MEF2C: variants seen among roughly 807,000 people sequenced by gnomAD.
MEF2C encodes myocyte-specific enhancer factor 2C.
MEF2C carries 6 observed loss-of-function variants against 50.5 expected under a neutral mutation model. The ratio of observed to expected loss-of-function variants is 0.12; its 90% CI spans 0.07 to 0.23. The LOEUF (loss-of-function observed/expected upper bound fraction) is 0.23, where lower values mean the gene tolerates loss of function less well. Ranked by LOEUF, MEF2C falls within the 10% of genes least tolerant of loss-of-function variation. MEF2C has a pLI of 1.00. For synonymous variants in MEF2C, 183 were observed against 228.0 expected (o/e 0.80, Z 1.78); for missense variants, 276 against 605.0 (o/e 0.46, Z 5.70).
chr5:88,757,046 T>C (rs1775692983), intron 4 of MEF2C, among the ~76,000 whole-genome samples: 1 of 152,160 alleles, frequency 6.6e-6, no homozygotes, highest in South Asian at 2.1e-4. Context: ...TTTAACCAAG[T>C]GCAGCCCTAT....
At chr5:88,865,005 T>C (rs1826833415) in intron 1 of MEF2C, among the ~76,000 whole-genome samples, 1 of 152,030 alleles carries the variant, frequency 6.6e-6, no homozygotes, top group African/African-American at 2.4e-5. Flanking sequence ...TGACCTCAGA[T>C]GATCCACCTG....
intron 3 of MEF2C, among the ~76,000 whole-genome samples, chr5:88,800,918 A>G (rs1049929123): frequency 6.6e-6 from 1 of 152,192 alleles, no homozygotes; most frequent in African/African-American, 2.4e-5. Flanking sequence ...ATATAATCAT[A>G]AAAAAACTGA....
At chr5:88,820,683 G>A (rs1408770846) in intron 2 of MEF2C, among the ~76,000 whole-genome samples, 2 of 152,018 alleles carry the variant, frequency 1.3e-5, no homozygotes, top group Non-Finnish European at 2.9e-5. Flanking sequence ...CTACAGTGGG[G>A]CAGCTTCAAA....
At chr5:88,814,713 G>A (rs1465669519) in intron 2 of MEF2C, among the ~76,000 whole-genome samples, 1 of 151,578 alleles carries the variant, frequency 6.6e-6, no homozygotes, top group African/African-American at 2.4e-5. Flanking sequence ...TGCATTGGAG[G>A]GAAAATAATA....
At position 88,860,774 on chromosome 5, in the gene MEF2C, C is replaced by G. The variant is rs151219154; in HGVS notation, c.-143+22181G>C. On this transcript the variant is annotated intron_variant, in intron 1 of 10. Coordinates refer to ENST00000504921, the MANE Select transcript of MEF2C (RefSeq NM_002397.5). ...TTCTGGCTTGAAAGGTACATTTTTC[C>G]CCCTCTGGGTTTCACTGACTACACA... is the stretch of plus-strand genomic sequence containing the variant. Among the ~76,000 whole-genome samples, 144 of 152,208 alleles carry G rather than the reference C, an allele frequency of 9.5e-4. 1 individual carries two copies. Among genetic ancestry groups the G allele is most frequent in the Admixed American group, 1.8e-3 (28 of 15,296 alleles).
At chr5:88,834,194 C>T (rs148020684) in intron 1 of MEF2C, among the ~76,000 whole-genome samples, 1 of 152,202 alleles carries the variant, frequency 6.6e-6, no homozygotes, top group African/African-American at 2.4e-5. Flanking sequence ...TTAAGGCACA[C>T]ACATGGAGTT....
chr5:88,876,363 A>G (rs1369902359), intron 1 of MEF2C, among the ~76,000 whole-genome samples: 2 of 151,964 alleles, frequency 1.3e-5, no homozygotes, highest in African/African-American at 2.4e-5. Context: ...GATAATTTCT[A>G]AAAGTAAAAT....
intron 9 of MEF2C, 45 bp downstream of exon 9, chr5:88,729,173 T>TA: frequency 6.2e-7 from 1 of 1,608,578 alleles, no homozygotes; most frequent in East Asian, 2.2e-5. Flanking sequence ...TGATTTTCAA[T>TA]AAAAAGTATT....
intron 2 of MEF2C, among the ~76,000 whole-genome samples, chr5:88,814,233 A>G (rs1366492685): frequency 6.6e-6 from 1 of 151,412 alleles, no homozygotes; most frequent in East Asian, 2.0e-4. Context: ...CTTCAGTTTT[A>G]TTTTGTTTAA....
chr5:88,874,542 T>C (rs1205884912), intron 1 of MEF2C, among the ~76,000 whole-genome samples: 2 of 151,982 alleles, frequency 1.3e-5, no homozygotes, highest in Non-Finnish European at 2.9e-5. Context: ...TGTAGGAATA[T>C]GCCATTGTTA....
At chr5:88,787,666 A>AT (rs1018244828) in intron 3 of MEF2C, among the ~76,000 whole-genome samples, 53 of 152,204 alleles carry the variant, frequency 3.5e-4, no homozygotes, top group Admixed American at 1.4e-3. Flanking sequence ...TTGTAGCTTT[A>AT]TTTTTCCCCC....
At chr5:88,876,641 A>G (rs974206867) in intron 1 of MEF2C, among the ~76,000 whole-genome samples, 5 of 152,138 alleles carry the variant, frequency 3.3e-5, no homozygotes, top group African/African-American at 1.2e-4. Flanking sequence ...TATTTAAGCC[A>G]AAGCTGCCTG....
chr5:88,772,772 C>T (rs985293499), intron 3 of MEF2C: 1 of 985,394 alleles, frequency 1.0e-6, no homozygotes, highest in Non-Finnish European at 1.2e-6. Context: ...AAGTCATTCA[C>T]TCTTGAAAAT....
chr5:88,797,867 T>A (rs571765460), intron 3 of MEF2C, among the ~76,000 whole-genome samples: 6 of 152,330 alleles, frequency 3.9e-5, no homozygotes, highest in African/African-American at 1.4e-4. Context: ...CAGTATTCGC[T>A]TGTCTGTAAA....
At chr5:88,742,770 A>T (rs1767424932) in intron 6 of MEF2C, 1 of 985,346 alleles carries the variant, frequency 1.0e-6, no homozygotes, top group Non-Finnish European at 1.2e-6. Context: ...CCCCTAGAGA[A>T]TGGTATCAAG....
rs796052727 is a variant in MEF2C at position 88,728,564 on chromosome 5, G to A, written c.1029C>T (p.His343=). ...LSGFNTASAL[H]LGSVTGWQQQ... is the part of the protein sequence containing the mutation. ...GTTGCCAGCCAGTTACTGAACCAAGGTGAAGAGCGCTGGCGGTGTTAAACC... is the reference window on the plus strand; with the variant it reads ...GTTGCCAGCCAGTTACTGAACCAAGATGAAGAGCGCTGGCGGTGTTAAACC... The change falls in exon 10 of 11, where the codon CAC becomes CAT. Residue 343 remains histidine, a synonymous_variant. Coordinates refer to ENST00000504921, the MANE Select transcript of MEF2C (RefSeq NM_002397.5). 9 of 1,536,344 alleles carry A rather than the reference G, an allele frequency of 5.9e-6. No homozygotes were observed. In the African/African-American group the frequency reaches 6.9e-5, roughly 12 times the overall value.
At chr5:88,763,754 A>G (rs975157855) in intron 3 of MEF2C, among the ~76,000 whole-genome samples, 1 of 151,450 alleles carries the variant, frequency 6.6e-6, no homozygotes, top group Non-Finnish European at 1.5e-5. Flanking sequence ...TTGTAGGCCC[A>G]GACAATCCTT....
intron 1 of MEF2C, among the ~76,000 whole-genome samples, chr5:88,840,905 T>G (rs1044805943): frequency 1.8e-4 from 28 of 152,334 alleles, no homozygotes; most frequent in African/African-American, 6.5e-4. Flanking sequence ...ATACCTATCC[T>G]TTTTCCTTCA....
intron 3 of MEF2C, among the ~76,000 whole-genome samples, chr5:88,780,536 T>A (rs578025511): frequency 6.6e-6 from 1 of 152,362 alleles, no homozygotes. Flanking sequence ...GTTCACCTGG[T>A]ATTAAGCCAC....
Sources: gnomAD v4.1 joint callset for allele counts (sites outside exome capture counted in the v4.1 genomes callset) on GRCh38, gnomAD v4.1.1 for gene constraint, MANE v1.5 for transcripts, NCBI Gene and HGNC (gene_info 2026-07-23, HGNC 2026-07-21) for gene names.